The following CTRB1 variants were observed in gnomAD, a reference collection of about 807,000 sequenced individuals.
The protein encoded by CTRB1 is chymotrypsinogen B1, also known as chymotrypsinogen B.
A neutral mutation model predicts 20.4 loss-of-function variants in CTRB1; 15 were observed. The observed-to-expected ratio is 0.74, with a 90% CI of 0.49 to 1.13. The LOEUF is 1.13. Among genes scored for constraint, CTRB1 ranks in the 50% most tolerant of loss-of-function variants. The pLI, the probability that CTRB1 is intolerant of heterozygous loss-of-function variation, is 0.00. For missense variants in CTRB1, 227 were observed against 290.1 expected, an observed-to-expected ratio of 0.78 and a Z score of 1.58; for synonymous variants, 92 against 128.4, an observed-to-expected ratio of 0.72 and a Z score of 1.92.
At position 75,224,867 on chromosome 16, in the gene CTRB1, G is replaced by A. The variant is rs1477608332; in HGVS notation, c.*1G>A. Reference sequence around the variant, plus strand: ...GCAGAAGATCCTGGCTGCCAACTGAGCCCGCGGCTCCCTCCGACCCTGCTC... The same window carrying A: ...GCAGAAGATCCTGGCTGCCAACTGAACCCGCGGCTCCCTCCGACCCTGCTC... On this transcript the variant is annotated 3_prime_UTR_variant, in exon 7 of 7. Coordinates refer to ENST00000361017, the MANE Select transcript of CTRB1 (RefSeq NM_001906.6). The A allele has an allele frequency of 1.2e-6, 2 of 1,613,600 alleles. No homozygotes were observed. Among genetic ancestry groups the A allele is most frequent in the South Asian group, 2.2e-5 (2 of 91,084 alleles).
chr16:75,221,082 G>C (rs546826993), intron 1 of CTRB1, among the ~76,000 whole-genome samples: 2 of 152,174 alleles, frequency 1.3e-5, no homozygotes, highest in Non-Finnish European at 2.9e-5. Context: ...CGTCAGGGAG[G>C]CACCTTGCCT....
chr16:75,221,202 C>T (rs1378343663), intron 1 of CTRB1, among the ~76,000 whole-genome samples: 1 of 152,190 alleles, frequency 6.6e-6, no homozygotes, highest in East Asian at 1.9e-4. Context: ...AAATGTAAAG[C>T]CCAGTTTGTT....
At chr16:75,221,654 T>C (rs567332703) in intron 1 of CTRB1, among the ~76,000 whole-genome samples, 1 of 152,180 alleles carries the variant, frequency 6.6e-6, no homozygotes, top group South Asian at 2.1e-4. Flanking sequence ...GCCACTGTGC[T>C]GGCCAAAGTC....
chr16:75,219,844 T>C (rs1352096193), intron 1 of CTRB1, among the ~76,000 whole-genome samples: 1 of 152,244 alleles, frequency 6.6e-6, no homozygotes, highest in South Asian at 2.1e-4. Context: ...CCTCCTTCCC[T>C]CTCTGGAATG....
In CTRB1 at chr16:75,224,717, G is replaced by A. The variant is rs375112297; in HGVS notation, c.643G>A (p.Gly215Ser). The A allele has an allele frequency of 1.6e-4, 251 of 1,610,128 alleles. No homozygotes were observed. Among genetic ancestry groups the A allele is most frequent in the Non-Finnish European group, 1.9e-4 (225 of 1,178,624 alleles). ...CCCTCTCCCACAGGGCGACTCTGGC[G>A]GCCCCCTGGTCTGCCAAAAGGATGG... ...GVSSCMGDSG[G>S]PLVCQKDGAW... The change falls in exon 7 of 7, where the codon GGC becomes AGC. Residue 215 changes from glycine (G) to serine (S), a missense_variant. Coordinates refer to ENST00000361017, the MANE Select transcript of CTRB1 (RefSeq NM_001906.6).
intron 6 of CTRB1, 45 bp from the exon 7 acceptor site, chr16:75,224,660 C>CT (rs1467046975): frequency 1.3e-6 from 2 of 1,569,988 alleles, no homozygotes; most frequent in Non-Finnish European, 1.7e-6. Context: ...TGGGACCAGT[C>CT]TGTCTCGGCT....
At chr16:75,222,745 T>C in intron 1 of CTRB1, 23 bp from the exon 2 acceptor site, 1 of 1,550,294 alleles carries the variant, frequency 6.5e-7, no homozygotes, top group Non-Finnish European at 8.7e-7. Context: ...GCCTCAGCCC[T>C]TATTCACCCC....
At chr16:75,221,093 G>C (rs538820486) in intron 1 of CTRB1, among the ~76,000 whole-genome samples, 28 of 152,334 alleles carry the variant, frequency 1.8e-4, no homozygotes, top group African/African-American at 6.7e-4. Flanking sequence ...CACCTTGCCT[G>C]CCTGTGTTCC....
chr16:75,221,332 A>C (rs1435831930), intron 1 of CTRB1, among the ~76,000 whole-genome samples: 2 of 152,004 alleles, frequency 1.3e-5, no homozygotes, highest in Admixed American at 1.3e-4. Flanking sequence ...GTGCCATTTT[A>C]TGGTGTGGAA....
intron 1 of CTRB1, 21 bp downstream of exon 1, chr16:75,219,080 G>C (rs1310200601): frequency 6.3e-7 from 1 of 1,577,184 alleles, no homozygotes. Context: ...GTGCCCGAGG[G>C]GTCTGTCCTG....
intron 1 of CTRB1, among the ~76,000 whole-genome samples, chr16:75,220,915 C>T (rs761067321): frequency 6.6e-6 from 1 of 152,028 alleles, no homozygotes; most frequent in Non-Finnish European, 1.5e-5. Context: ...TGAGCCACCA[C>T]CCCAGCTAAT....
chr16:75,222,528 C>T, intron 1 of CTRB1: 1 of 570,108 alleles, frequency 1.8e-6, no homozygotes, highest in Admixed American at 3.2e-5. Context: ...GCTGGACAGG[C>T]CCCAGGTAGG....
chr16:75,221,762 C>T (rs558504147), intron 1 of CTRB1, among the ~76,000 whole-genome samples: 10 of 151,442 alleles, frequency 6.6e-5, no homozygotes, highest in South Asian at 2.1e-4. Context: ...TGCTTCAGCC[C>T]GGGAATTTGA....
chr16:75,220,321 T>C (rs9319479), intron 1 of CTRB1, among the ~76,000 whole-genome samples: 27,769 of 151,870 alleles, frequency 0.18, 2,704 homozygotes, highest in South Asian at 0.21. Context: ...GTAGCTGGGA[T>C]TACAGGCATG....
Position 75,224,491 on chromosome 16 carries a change from C to A in CTRB1, c.631-214C>A, listed in dbSNP as rs537120313. 5.2e-4 allele frequency among the ~76,000 whole-genome samples: 79 copies of A among 152,356 alleles called. 2 individuals carry two copies. The South Asian group carries it at 0.016, about 31-fold the overall frequency. On this transcript the variant is annotated intron_variant, in intron 6 of 6. Transcript: ENST00000361017. ...GGTCAAACCAGCTTTACTGAGCTGC[C>A]ATTAAAGGGTCCCATTCCAGGGCTG...
At chr16:75,219,148 GCCTCATCCC>G in intron 1 of CTRB1, 89 bp downstream of exon 1, 2 of 1,402,480 alleles carry the variant, frequency 1.4e-6, no homozygotes, top group Non-Finnish European at 1.9e-6. Context: ...GCCCCCTGGG[GCCTCATCCC>G]CAGCACAGGT....
chr16:75,220,487 G>A (rs767268250), intron 1 of CTRB1, among the ~76,000 whole-genome samples: 3 of 152,100 alleles, frequency 2.0e-5, no homozygotes, highest in Admixed American at 1.3e-4. Context: ...CCCGACCTGG[G>A]GTCTTATTAT....
intron 6 of CTRB1, 67 bp downstream of exon 6, chr16:75,224,255 C>A: frequency 3.3e-6 from 5 of 1,523,730 alleles, no homozygotes; most frequent in Non-Finnish European, 4.4e-6. Flanking sequence ...GGCTTTCCAC[C>A]CCTCTCTGCT....
At chr16:75,224,462 T>G (rs548670839) in intron 6 of CTRB1, among the ~76,000 whole-genome samples, 212 of 152,316 alleles carry the variant, frequency 1.4e-3, no homozygotes, top group Middle Eastern at 3.4e-3. Flanking sequence ...CTCTTCCTCC[T>G]ATTGGTCAAA....
Sources: allele counts gnomAD v4.1 joint callset (sites outside exome capture counted in the v4.1 genomes callset), GRCh38; gene constraint gnomAD v4.1.1; transcripts MANE v1.5; gene names NCBI Gene and HGNC (gene_info 2026-07-23, HGNC 2026-07-21).